Variants in RBM27 observed in about 807,000 individuals in gnomAD.
RBM27 encodes RNA-binding protein 27.
RBM27 carries 22 observed loss-of-function variants against 135.3 expected under a neutral mutation model. The ratio of observed to expected loss-of-function variants is 0.16; its 90% CI spans 0.12 to 0.23. The LOEUF (loss-of-function observed/expected upper bound fraction) is 0.23, where lower values mean the gene tolerates loss of function less well. RBM27 is among the 10% of genes least tolerant of loss of function. The pLI is 1.00. For synonymous variants in RBM27, 481 were observed against 442.4 expected, an observed-to-expected ratio of 1.09 and a Z score of -1.10; for missense variants, 1,009 against 1,281.0, an observed-to-expected ratio of 0.79 and a Z score of 3.24.
At chr5:146,231,048 G>A (rs907298672) in intron 6 of RBM27, 131 bp downstream of exon 6, 24 of 1,130,380 alleles carry the variant, frequency 2.1e-5, no homozygotes, top group Non-Finnish European at 2.4e-5. Flanking sequence ...TTGAGACAGA[G>A]TCTTGCTCTG....
chr5:146,253,944 A>G (rs1483814311), intron 9 of RBM27, among the ~76,000 whole-genome samples: 1 of 152,150 alleles, frequency 6.6e-6, no homozygotes, highest in Non-Finnish European at 1.5e-5. Context: ...GAAGTGACTG[A>G]CGTGTATGTG....
chr5:146,231,508 A>C (rs1226496179), intron 6 of RBM27, among the ~76,000 whole-genome samples: 2 of 151,610 alleles, frequency 1.3e-5, no homozygotes, highest in Non-Finnish European at 2.9e-5. Context: ...ACCCTTTTTT[A>C]GATTTTTTTT....
chr5:146,203,907 G>A (rs1379757983), intron 1 of RBM27, 83 bp downstream of exon 1: 5 of 1,269,318 alleles, frequency 3.9e-6, no homozygotes, highest in South Asian at 1.4e-5. Flanking sequence ...GGTGGCGTGG[G>A]GGGCGGCGCT....
intron 3 of RBM27, among the ~76,000 whole-genome samples, chr5:146,224,546 G>C (rs1285648786): frequency 2.0e-5 from 3 of 152,082 alleles, no homozygotes; most frequent in African/African-American, 4.8e-5. Flanking sequence ...GTTGGGCGTA[G>C]TGGCAGGCAT....
At chr5:146,275,798 T>C (rs969285505) in intron 19 of RBM27, among the ~76,000 whole-genome samples, 18 of 152,222 alleles carry the variant, frequency 1.2e-4, no homozygotes, top group Non-Finnish European at 2.4e-4. Context: ...CAGGAAAAGT[T>C]ATTTTCTCTA....
Position 146,264,105 on chromosome 5 carries a change from C to CAA in RBM27, c.2331+486_2331+487dup, listed in dbSNP as rs377296275. ...TGGGTGACAGAGCAAGACCCTGTGT[C>CAA]AAAAAAAAAAAAACACAAAAAACAA... On this transcript the variant is annotated intron_variant, in intron 14 of 20. Transcript: ENST00000265271. 8.1e-3 allele frequency among the ~76,000 whole-genome samples: 991 copies of CAA among 122,872 alleles called. 4 individuals are homozygous for CAA. Among genetic ancestry groups the CAA allele is most frequent in the Non-Finnish European group, 0.013 (755 of 56,648 alleles). The allele number at this position is 122,872 out of a possible 152,430, so 80.6% of individuals were successfully genotyped here. A position where few individuals can be genotyped will look rare whatever the true frequency, so the allele number is the denominator to read the frequency against.
At chr5:146,239,937 C>T (rs556078445) in intron 8 of RBM27, among the ~76,000 whole-genome samples, 5 of 151,942 alleles carry the variant, frequency 3.3e-5, no homozygotes, top group Non-Finnish European at 5.9e-5. Flanking sequence ...CCACCACACC[C>T]GGCTAATTTT....
intron 8 of RBM27, among the ~76,000 whole-genome samples, chr5:146,247,438 C>T (rs1443667365): frequency 6.6e-6 from 1 of 152,084 alleles, no homozygotes; most frequent in East Asian, 1.9e-4. Context: ...CCCTTTTGTA[C>T]CTGGTTTATT....
At chr5:146,243,919 A>T (rs552451596) in intron 8 of RBM27, among the ~76,000 whole-genome samples, 1 of 152,164 alleles carries the variant, frequency 6.6e-6, no homozygotes, top group African/African-American at 2.4e-5. Flanking sequence ...TACTAGGAAT[A>T]TACAGATGAA....
intron 3 of RBM27, among the ~76,000 whole-genome samples, chr5:146,225,134 G>T (rs1190296700): frequency 1.3e-5 from 2 of 151,726 alleles, no homozygotes; most frequent in Non-Finnish European, 2.9e-5. Context: ...AAAGTTTTTT[G>T]TTGTTGTTAA....
intron 1 of RBM27, among the ~76,000 whole-genome samples, chr5:146,215,943 A>T (rs1581141683): frequency 6.6e-6 from 1 of 151,766 alleles, no homozygotes; most frequent in South Asian, 2.1e-4. Context: ...TAGAGACGGG[A>T]TTTCACCATT....
In RBM27 at chr5:146,287,909, C is replaced by G. The variant is rs911132150; in HGVS notation, c.*1879C>G. ...TCTCTAATGAAATTTTTCTTGATGT[C>G]TGTGGCTCAGTCAGTATATATTTTG... is the stretch of plus-strand genomic sequence containing the variant. On this transcript the variant is annotated 3_prime_UTR_variant, in exon 21 of 21. Transcript: ENST00000265271. The G allele has an allele frequency of 1.3e-5, 2 of 151,998 alleles. No homozygotes were observed. The highest frequency in any genetic ancestry group is 2.9e-5 in the Non-Finnish European group (2 of 67,948). The allele number at this position is 151,998 out of a possible 1,614,324, so 9.4% of individuals were successfully genotyped here.
At chr5:146,227,227 A>G (rs1206495599) in intron 3 of RBM27, among the ~76,000 whole-genome samples, 1 of 152,220 alleles carries the variant, frequency 6.6e-6, no homozygotes, top group African/African-American at 2.4e-5. Flanking sequence ...CACTGCCTTC[A>G]TTGCCTGTTT....
chr5:146,219,757 C>T (rs1756361611), intron 2 of RBM27, among the ~76,000 whole-genome samples: 2 of 152,188 alleles, frequency 1.3e-5, no homozygotes, highest in Admixed American at 1.3e-4. Flanking sequence ...TTTCTGGTCT[C>T]TTCAAATGTC....
rs920705781 is a variant in RBM27 at position 146,204,092 on chromosome 5, A to C, written c.59+268A>C. ...TCAAACGCAAATATCGGGGTGCTGG[A>C]AGGGGTAGCAGGGGCCGTGAGGGAA... On this transcript the variant is annotated intron_variant, in intron 1 of 20. Coordinates refer to ENST00000265271, the MANE Select transcript of RBM27 (RefSeq NM_018989.2). 4.7e-4 allele frequency among the ~76,000 whole-genome samples: 71 copies of C among 152,158 alleles called. 1 individual carries two copies.
At chr5:146,260,509 C>G (rs905876414) in intron 11 of RBM27, among the ~76,000 whole-genome samples, 3 of 152,180 alleles carry the variant, frequency 2.0e-5, no homozygotes, top group Non-Finnish European at 2.9e-5. Flanking sequence ...CAGGCATGAG[C>G]TACTTCGCTC....
intron 8 of RBM27, among the ~76,000 whole-genome samples, chr5:146,250,770 C>CTTTTTTT (rs58027855): frequency 6.6e-4 from 48 of 72,674 alleles, no homozygotes; most frequent in Admixed American, 1.6e-3. Flanking sequence ...TTTTTTTGTC[C>CTTTTTTT]TTTTTTTTTT....
In RBM27 at chr5:146,251,839, C is replaced by T; in HGVS notation, c.1408C>T (p.His470Tyr). ...RNLMGSSIGY[H>Y]TSVSSPTPLV... Reference sequence around the variant, plus strand: ...CCTCATGGGATCCTCCATTGGATACCATACCTCAGTCTCCAGCCCTACCCC... The same window carrying T: ...CCTCATGGGATCCTCCATTGGATACTATACCTCAGTCTCCAGCCCTACCCC... Residue 470 changes from histidine to tyrosine, a missense_variant, in exon 9 of 21, where the codon CAT becomes TAT. Physicochemically the swap from His to Tyr is moderately conservative, Grantham distance 83. Around this residue, in one of 6 missense-constraint regions of RBM27, gnomAD observed 329 missense variants for 368.1 expected, o/e 0.89. Coordinates refer to ENST00000265271, the MANE Select transcript of RBM27 (RefSeq NM_018989.2). 3 of 1,614,152 alleles carry T rather than the reference C, an allele frequency of 1.9e-6. No individual in the cohort carries two copies. Among genetic ancestry groups the T allele is most frequent in the Non-Finnish European group, 2.5e-6 (3 of 1,180,032 alleles).
At position 146,258,536 on chromosome 5, in the gene RBM27, G is replaced by A. The variant is rs781385609; in HGVS notation, c.1682G>A (p.Arg561Gln). The change falls in exon 11 of 21, where the codon CGA (arginine) becomes CAA (glutamine). Residue 561 changes from arginine (R) to glutamine (Q), a missense_variant. Physicochemically the swap from Arg to Gln is conservative, Grantham distance 43 (BLOSUM62 1). Transcript: ENST00000265271. Reference protein sequence around the residue: ...ITRVVLEPDSRKRAMSGLEGP... With the variant: ...ITRVVLEPDSQKRAMSGLEGP... The stretch of plus-strand genomic sequence containing the variant: ...AGAGTAGTTCTTGAACCAGATAGTC[G>A]AAAAAGAGCTATGAGTGGTTTGGAA... 1.9e-6 allele frequency: 3 copies of A among 1,598,222 alleles called. No homozygotes were observed. The highest frequency in any genetic ancestry group is 2.3e-5 in the East Asian group (1 of 43,814).
Sources: allele counts gnomAD v4.1 joint callset (sites outside exome capture counted in the v4.1 genomes callset), GRCh38; gene constraint gnomAD v4.1.1; regional missense constraint gnomAD v4.1.1; transcripts MANE v1.5; gene names NCBI Gene and HGNC (gene_info 2026-07-23, HGNC 2026-07-21).